DNAJC3: variants seen among roughly 807,000 people sequenced by gnomAD.
DNAJC3 encodes the protein DnaJ heat shock protein family (Hsp40) member C3, also known as dnaJ homolog subfamily C member 3.
In DNAJC3, 38 loss-of-function variants were observed where a neutral mutation model predicts 68.6. The observed-to-expected ratio is 0.55, with a 90% CI of 0.43 to 0.73. The LOEUF (loss-of-function observed/expected upper bound fraction) is 0.73, where lower values mean the gene tolerates loss of function less well. DNAJC3 is among the 30% of genes least tolerant of loss of function. The pLI is 0.00. For synonymous variants in DNAJC3, 203 were observed against 204.0 expected, an observed-to-expected ratio of 1.00 and a Z score of 0.04; for missense variants, 526 against 591.9, an observed-to-expected ratio of 0.89 and a Z score of 1.16.
At chr13:95,727,245 G>A (rs991353700) in intron 4 of DNAJC3, among the ~76,000 whole-genome samples, 1 of 151,654 alleles carries the variant, frequency 6.6e-6, no homozygotes, top group African/African-American at 2.4e-5. Context: ...AAATAATTTA[G>A]GATATAGTTT....
intron 4 of DNAJC3, among the ~76,000 whole-genome samples, chr13:95,755,289 AAATAATAAAAAATT>A: frequency 6.6e-6 from 1 of 152,230 alleles, no homozygotes; most frequent in African/African-American, 2.4e-5. Context: ...TCTCTACAAA[AAATAATAAAAAATT>A]AGCTGGCTGT....
At chr13:95,779,504 A>G (rs940974349) in intron 9 of DNAJC3, among the ~76,000 whole-genome samples, 7 of 152,162 alleles carry the variant, frequency 4.6e-5, no homozygotes, top group African/African-American at 1.7e-4. Context: ...TGTGAAAGTA[A>G]TATGCAATAC....
intron 4 of DNAJC3, among the ~76,000 whole-genome samples, chr13:95,732,843 T>C (rs1566489053): frequency 6.6e-6 from 1 of 152,094 alleles, no homozygotes; most frequent in Non-Finnish European, 1.5e-5. Flanking sequence ...CTGTATTCCA[T>C]AGGTTTTGGT....
At chr13:95,787,177 T>A (rs764514828) in intron 11 of DNAJC3, 22 bp downstream of exon 11, 1 of 1,605,542 alleles carries the variant, frequency 6.2e-7, no homozygotes, top group Non-Finnish European at 8.5e-7. Context: ...TTTTATTCCT[T>A]TGACTCATCC....
intron 9 of DNAJC3, among the ~76,000 whole-genome samples, chr13:95,773,981 C>T (rs982393614): frequency 2.6e-5 from 4 of 152,036 alleles, no homozygotes; most frequent in Non-Finnish European, 4.4e-5. Context: ...GTGATCCACC[C>T]GCCTTGGCCT....
chr13:95,767,787 T>G (rs1450725695), intron 9 of DNAJC3, among the ~76,000 whole-genome samples: 1 of 151,628 alleles, frequency 6.6e-6, no homozygotes, highest in Non-Finnish European at 1.5e-5. Context: ...TCTCCTGGGT[T>G]CAGCTGATTC....
intron 4 of DNAJC3, among the ~76,000 whole-genome samples, chr13:95,750,943 G>A (rs1882456410): frequency 6.6e-6 from 1 of 152,160 alleles, no homozygotes; most frequent in South Asian, 2.1e-4. Context: ...ATACAAAATA[G>A]ACTTAAGACA....
At chr13:95,677,850 C>A (rs750074799) in intron 1 of DNAJC3, among the ~76,000 whole-genome samples, 17 of 152,304 alleles carry the variant, frequency 1.1e-4, no homozygotes, top group Admixed American at 3.9e-4. Context: ...GTGTAACCAT[C>A]CCCATTAAGA....
At chr13:95,704,851 G>GTTTTTTTTTCTTTTTTTTTTTTTTTTT (rs1880681419) in intron 1 of DNAJC3, among the ~76,000 whole-genome samples, 1 of 97,860 alleles carries the variant, frequency 1.0e-5, no homozygotes, top group Non-Finnish European at 1.9e-5. Flanking sequence ...GTGTGTGTGT[G>GTTTTTTTTTCTTTTTTTTTTTTTTTTT]TTTTTTTTTT....
chr13:95,727,785 A>G (rs538864889), intron 4 of DNAJC3, among the ~76,000 whole-genome samples: 31 of 152,240 alleles, frequency 2.0e-4, no homozygotes, highest in African/African-American at 6.5e-4. Flanking sequence ...TATTCCATAT[A>G]CTTTATCACA....
chr13:95,757,190 A>C (rs1882687434), intron 4 of DNAJC3, among the ~76,000 whole-genome samples: 1 of 152,094 alleles, frequency 6.6e-6, no homozygotes, highest in South Asian at 2.1e-4. Flanking sequence ...ACCTCTAAAA[A>C]AGCTGGCCCC....
chr13:95,779,612 C>T (rs1202466870), intron 9 of DNAJC3, among the ~76,000 whole-genome samples: 1 of 152,166 alleles, frequency 6.6e-6, no homozygotes, highest in East Asian at 1.9e-4. Flanking sequence ...GTTTTGTCTT[C>T]ATGTCTATGA....
At chr13:95,730,529 T>C (rs1442447580) in intron 4 of DNAJC3, among the ~76,000 whole-genome samples, 1 of 152,216 alleles carries the variant, frequency 6.6e-6, no homozygotes. Context: ...TGCATATAGA[T>C]ATCCAGTTTT....
intron 4 of DNAJC3, among the ~76,000 whole-genome samples, chr13:95,753,012 C>T (rs1882528853): frequency 6.6e-6 from 1 of 152,034 alleles, no homozygotes; most frequent in Non-Finnish European, 1.5e-5. Context: ...TGAGAAAGGC[C>T]CTTTGAGGTC....
intron 1 of DNAJC3, among the ~76,000 whole-genome samples, chr13:95,688,986 T>G (rs966116874): frequency 2.6e-5 from 4 of 151,518 alleles, no homozygotes; most frequent in Admixed American, 2.6e-4. Context: ...GGATTTAGTT[T>G]GCTAGTATTT....
intron 9 of DNAJC3, among the ~76,000 whole-genome samples, chr13:95,765,567 G>GTTTTTT (rs1024972959): frequency 1.3e-4 from 13 of 102,328 alleles, no homozygotes; most frequent in African/African-American, 3.8e-4. Context: ...TAATTGATCT[G>GTTTTTT]TTTTTTTTTT....
rs1362076627 is a variant in DNAJC3 at position 95,785,943 on chromosome 13, T to C, written c.1080T>C (p.Ile360=). The change falls in exon 10 of 12, where the codon ATT becomes ATC. Residue 360 remains isoleucine, a synonymous_variant. Transcript: ENST00000602402. ...YLIEEMYDEA[I]QDYETAQEHN... ...ATCTTAAACATATTTTGACAGCTAT[T>C]CAGGATTATGAAACTGCTCAGGAAC... 3.8e-6 allele frequency: 6 copies of C among 1,591,728 alleles called. No individual in the cohort carries two copies. The highest frequency in any genetic ancestry group is 1.7e-4 in the Middle Eastern group (1 of 5,970).
intron 4 of DNAJC3, among the ~76,000 whole-genome samples, chr13:95,756,458 A>C (rs1174965159): frequency 6.6e-6 from 1 of 152,196 alleles, no homozygotes; most frequent in East Asian, 1.9e-4. Context: ...TAGAATAGCT[A>C]AAATAGAATA....
intron 2 of DNAJC3, among the ~76,000 whole-genome samples, chr13:95,713,091 G>A (rs1881025621): frequency 6.6e-6 from 1 of 152,052 alleles, no homozygotes; most frequent in Non-Finnish European, 1.5e-5. Flanking sequence ...TTTCCTGAGG[G>A]AAATTTACTC....
Sources: allele counts gnomAD v4.1 joint callset (sites outside exome capture counted in the v4.1 genomes callset), GRCh38; gene constraint gnomAD v4.1.1; transcripts MANE v1.5; gene names NCBI Gene and HGNC (gene_info 2026-07-23, HGNC 2026-07-21).